The following ASXL1 variants were observed in gnomAD, a reference collection of about 807,000 sequenced individuals.
ASXL1 encodes the protein ASXL transcriptional regulator 1.
ASXL1 carries 65 observed loss-of-function variants against 89.1 expected under a neutral mutation model. That is an observed-to-expected ratio of 0.73 (90% CI 0.60 to 0.90). ASXL1 has a LOEUF of 0.90. Among genes scored for constraint, ASXL1 ranks in the 40% least tolerant of loss-of-function variants. The pLI is 0.00. For synonymous variants in ASXL1, 739 were observed against 746.9 expected, an observed-to-expected ratio of 0.99 and a Z score of 0.17; for missense variants, 1,786 against 1,942.9, an observed-to-expected ratio of 0.92 and a Z score of 1.52.
At chr20:32,364,721 A>G (rs1267267782) in intron 1 of ASXL1, among the ~76,000 whole-genome samples, 1 of 152,216 alleles carries the variant, frequency 6.6e-6, no homozygotes, top group Non-Finnish European at 1.5e-5. Context: ...TAGAGCTGAA[A>G]GTGATGAGGG....
At position 32,434,706 on chromosome 20, in the gene ASXL1, G is replaced by A. The variant is rs963788591; in HGVS notation, c.1994G>A (p.Ser665Asn). The A allele has an allele frequency of 1.2e-6, 2 of 1,608,794 alleles. No individual in the cohort carries two copies. The highest frequency in any genetic ancestry group is 1.1e-5 in the South Asian group (1 of 90,682). Residue 665 changes from serine to asparagine, a missense_variant, in exon 13 of 13, where the codon AGT becomes AAT. Physicochemically the swap from Ser to Asn is conservative, Grantham distance 46 (BLOSUM62 1). Coordinates refer to ENST00000375687, the MANE Select transcript of ASXL1 (RefSeq NM_015338.6). ...TDEGGGRGSSSGDGGEACGHP... is the reference protein window; with the variant it reads ...TDEGGGRGSSNGDGGEACGHP... ...GAGGGAGGTGGCAGAGGCAGCAGCAGTGGTGATGGTGGTGAGGCCTGTGGC... is the reference window on the plus strand; with the variant it reads ...GAGGGAGGTGGCAGAGGCAGCAGCAATGGTGATGGTGGTGAGGCCTGTGGC...
intron 1 of ASXL1, among the ~76,000 whole-genome samples, chr20:32,363,426 G>A (rs1331962447): frequency 6.6e-6 from 1 of 152,214 alleles, no homozygotes; most frequent in African/African-American, 2.4e-5. Flanking sequence ...GAATACAGAG[G>A]TGGATAAGGT....
chr20:32,372,272 T>C (rs1173271126), intron 4 of ASXL1: 3 of 1,259,918 alleles, frequency 2.4e-6, no homozygotes, highest in Admixed American at 3.4e-5. Context: ...AGTCTACAGC[T>C]TGTGTCTGAG....
Position 32,428,425 on chromosome 20 carries a change from A to G in ASXL1, c.471+3A>G, listed in dbSNP as rs2011398971. On this transcript the variant is annotated splice_donor_region_variant and intron_variant, in intron 6 of 12. Coordinates refer to ENST00000375687, the MANE Select transcript of ASXL1 (RefSeq NM_015338.6). ...ACAGCTACAGAGCTTCCTCACAGGT[A>G]AGGAAGAGGTAGAGCCTAGCCTGGG... 1 of 1,606,786 alleles carries G rather than the reference A, an allele frequency of 6.2e-7. No homozygotes were observed. Among genetic ancestry groups the G allele is most frequent in the Non-Finnish European group, 8.5e-7 (1 of 1,173,572 alleles).
intron 4 of ASXL1, among the ~76,000 whole-genome samples, chr20:32,404,590 G>A (rs1471270464): frequency 6.6e-6 from 1 of 152,040 alleles, no homozygotes; most frequent in Non-Finnish European, 1.5e-5. Flanking sequence ...TGTTAATAGG[G>A]CCGGTTTAAT....
In ASXL1 at chr20:32,421,745, A is replaced by G. The variant is rs146870719; in HGVS notation, c.253-6383A>G. 1.1e-3 allele frequency among the ~76,000 whole-genome samples: 167 copies of G among 152,346 alleles called. 2 individuals carry two copies. Among genetic ancestry groups the G allele is most frequent in the Middle Eastern group, 6.8e-3 (2 of 294 alleles). On this transcript the variant is annotated intron_variant, in intron 4 of 12. Coordinates refer to ENST00000375687, the MANE Select transcript of ASXL1 (RefSeq NM_015338.6). ...ACAGGCTGAGTGAAAGAAGCCAGATACAAAAGAATATATATGTATGAGTCC... is the reference window on the plus strand; with the variant it reads ...ACAGGCTGAGTGAAAGAAGCCAGATGCAAAAGAATATATATGTATGAGTCC...
chr20:32,375,487 A>G (rs768887411), intron 4 of ASXL1, among the ~76,000 whole-genome samples: 2 of 151,882 alleles, frequency 1.3e-5, no homozygotes, highest in Non-Finnish European at 1.5e-5. Context: ...ACATTTTCCT[A>G]TATAACCACA....
chr20:32,432,831 A>T (rs2011561816), intron 10 of ASXL1, 49 bp from the exon 11 acceptor site: 3 of 1,604,546 alleles, frequency 1.9e-6, no homozygotes, highest in Non-Finnish European at 2.6e-6. Flanking sequence ...CATAAGACAG[A>T]CATTAATATC....
At chr20:32,434,005 G>GA in intron 12 of ASXL1, 88 bp downstream of exon 12, 1 of 1,549,276 alleles carries the variant, frequency 6.5e-7, no homozygotes, top group Non-Finnish European at 8.9e-7. Flanking sequence ...CTGGGGCCCT[G>GA]AAGTTAATTA....
At position 32,429,192 on chromosome 20, in the gene ASXL1, C is replaced by G; in HGVS notation, c.472-146C>G. On this transcript the variant is annotated intron_variant, in intron 6 of 12. Coordinates refer to ENST00000375687, the MANE Select transcript of ASXL1 (RefSeq NM_015338.6). This position sits in a 1 kb window ranked among gnomAD's most constrained non-coding sequence, Gnocchi z 4.9. ...CAGCACGTAGCTCAGTAACATTAACCAGTGCTCTTGTCAGCATTATTTGAC... is the reference window on the plus strand; with the variant it reads ...CAGCACGTAGCTCAGTAACATTAACGAGTGCTCTTGTCAGCATTATTTGAC... 5 of 787,890 alleles carry G rather than the reference C, an allele frequency of 6.3e-6. No individual in the cohort carries two copies. Among genetic ancestry groups the G allele is most frequent in the Non-Finnish European group, 1.1e-5 (5 of 458,836 alleles). The allele number at this position is 787,890 out of a possible 1,614,324, so 48.8% of individuals were successfully genotyped here.
intron 4 of ASXL1, among the ~76,000 whole-genome samples, chr20:32,381,803 C>T (rs6141697): frequency 0.35 from 53,241 of 151,600 alleles, 10,350 homozygotes; most frequent in East Asian, 0.74. Context: ...CATGAGCTAC[C>T]GCGCCTGGCC....
intron 4 of ASXL1, among the ~76,000 whole-genome samples, chr20:32,392,562 G>A (rs1183909103): frequency 6.8e-6 from 1 of 148,040 alleles, no homozygotes; most frequent in African/African-American, 2.4e-5. Context: ...GGCCGAGGCG[G>A]GCAGATCACG....
chr20:32,431,123 C>G, intron 8 of ASXL1, 198 bp from the exon 9 acceptor site: 1 of 733,178 alleles, frequency 1.4e-6, no homozygotes, highest in Non-Finnish European at 2.4e-6. Flanking sequence ...GATGCAACCC[C>G]AAGTGTTCTC....
intron 4 of ASXL1, among the ~76,000 whole-genome samples, chr20:32,382,676 C>T (rs1445290984): frequency 6.6e-6 from 1 of 151,122 alleles, no homozygotes; most frequent in Non-Finnish European, 1.5e-5. Context: ...TTCCCAGCTA[C>T]TCAGGAGGCT....
intron 1 of ASXL1, chr20:32,359,135 C>T (rs2048065906): frequency 1.6e-6 from 1 of 626,380 alleles, no homozygotes; most frequent in Admixed American, 2.5e-5. Flanking sequence ...CGCGTCCCCT[C>T]CCCCACTATT....
intron 4 of ASXL1, among the ~76,000 whole-genome samples, chr20:32,413,097 A>G (rs541494871): frequency 4.4e-4 from 67 of 152,324 alleles, no homozygotes; most frequent in African/African-American, 1.6e-3. Flanking sequence ...AGTTTTCATG[A>G]AACGATAGAG....
intron 4 of ASXL1, among the ~76,000 whole-genome samples, chr20:32,386,281 A>G (rs748363183): frequency 2.0e-5 from 3 of 152,200 alleles, no homozygotes; most frequent in East Asian, 1.9e-4. Context: ...TTGGTTTACA[A>G]TAGTAATTTT....
intron 4 of ASXL1, among the ~76,000 whole-genome samples, chr20:32,419,412 C>T (rs1259643583): frequency 1.3e-5 from 2 of 151,802 alleles, no homozygotes; most frequent in African/African-American, 4.8e-5. Context: ...TTACGTTGCT[C>T]ATGTTGGTCT....
rs781644673 is a variant in ASXL1 at position 32,434,886 on chromosome 20, G to A, written c.2174G>A (p.Arg725Lys). ...RARREDLPSL[R>K]KEESCLLQRA... ...AGGAGAGAGGACCTGCCTTCTCTGA[G>A]AAAGGAGGAAAGCTGCCTACTACAG... The change falls in exon 13 of 13, where the codon AGA becomes AAA. Residue 725 changes from arginine (R) to lysine (K), a missense_variant. Coordinates refer to ENST00000375687, the MANE Select transcript of ASXL1 (RefSeq NM_015338.6). 1.2e-6 allele frequency: 2 copies of A among 1,614,180 alleles called. No individual in the cohort carries two copies. Among genetic ancestry groups the A allele is most frequent in the Non-Finnish European group, 1.7e-6 (2 of 1,180,028 alleles).
Sources: gnomAD v4.1 joint callset for allele counts (sites outside exome capture counted in the v4.1 genomes callset) on GRCh38, gnomAD v4.1.1 for gene constraint, Gnocchi (gnomAD v3.1) non-coding constraint, MANE v1.5 for transcripts, NCBI Gene and HGNC (gene_info 2026-07-23, HGNC 2026-07-21) for gene names.